RARG: variants seen among roughly 807,000 people sequenced by gnomAD.
The protein encoded by RARG is retinoic acid receptor gamma.
RARG carries 17 observed loss-of-function variants against 43.7 expected under a neutral mutation model. The observed-to-expected ratio is 0.39, with a 90% confidence interval of 0.27 to 0.58. RARG has a LOEUF of 0.58. Ranked by LOEUF, RARG falls within the 20% of genes least tolerant of loss-of-function variation. The pLI is 0.57. For synonymous variants in RARG, 238 were observed against 236.4 expected, an observed-to-expected ratio of 1.01 and a Z score of -0.06; for missense variants, 346 against 598.7, an observed-to-expected ratio of 0.58 and a Z score of 4.40.
chr12:53,214,875 A>G (rs11170477), intron 5 of RARG: 23 of 393,170 alleles, frequency 5.8e-5, no homozygotes, highest in East Asian at 5.8e-4. Flanking sequence ...GAGCTGGGGG[A>G]GGGGGGGCAG....
intron 3 of RARG, among the ~76,000 whole-genome samples, chr12:53,216,811 C>T (rs1942773315): frequency 6.8e-6 from 1 of 147,610 alleles, no homozygotes; most frequent in Admixed American, 6.7e-5. Flanking sequence ...GTTCAAAAGG[C>T]TGCTGGGTAA....
intron 3 of RARG, among the ~76,000 whole-genome samples, chr12:53,223,117 C>T (rs1943017268): frequency 6.6e-6 from 1 of 152,190 alleles, no homozygotes; most frequent in South Asian, 2.1e-4. Flanking sequence ...TTGGCCAGGA[C>T]GAGGCAGGGC....
intron 2 of RARG, among the ~76,000 whole-genome samples, chr12:53,228,897 C>T (rs959138878): frequency 1.3e-5 from 2 of 152,134 alleles, no homozygotes; most frequent in African/African-American, 4.8e-5. Flanking sequence ...TCTTTCTTAT[C>T]CCTGGGCTCC....
rs1480955426 is a variant in RARG, at chr12:53,215,027, T to G, written c.475+266A>C. On this transcript the variant is annotated intron_variant, in intron 5 of 9. Transcript: ENST00000425354. This position sits in a 1 kb window ranked among gnomAD's most constrained non-coding sequence, Gnocchi z 6.4. ...GGGACTGGCAAGCCCACTGGCTTCA[T>G]TTCCCCCATGAAACAGGGGGAATGT... 1.3e-5 allele frequency among the ~76,000 whole-genome samples: 2 copies of G among 152,144 alleles called. No individual in the cohort carries two copies. Among genetic ancestry groups the G allele is most frequent in the Non-Finnish European group, 2.9e-5 (2 of 68,010 alleles).
rs1401775060 is a variant in RARG, at chr12:53,214,539, C to T, written c.543G>A (p.Glu181=). The T allele has an allele frequency of 1.2e-6, 2 of 1,612,920 alleles. No individual in the cohort carries two copies. The highest frequency in any genetic ancestry group is 1.6e-4 in the Middle Eastern group (1 of 6,082). Residue 181 remains glutamate (E), a synonymous_variant, in exon 6 of 10, where the codon GAG becomes GAA. Coordinates refer to ENST00000425354, the MANE Select transcript of RARG (RefSeq NM_000966.6). ...TGAGCTCTTCTAACTGAGGGCTCAGCTCATAGCTGTCAGGTGACCCTTCTT... is the reference window on the plus strand; with the variant it reads ...TGAGCTCTTCTAACTGAGGGCTCAGTTCATAGCTGTCAGGTGACCCTTCTT... ...VKEEGSPDSY[E]LSPQLEELIT... is the part of the protein sequence containing the mutation.
intron 6 of RARG, 74 bp downstream of exon 6, chr12:53,214,372 C>T: frequency 5.7e-6 from 9 of 1,565,400 alleles, no homozygotes; most frequent in Non-Finnish European, 7.9e-6. Context: ...TCGATGATAG[C>T]CTCCAACACA....
chr12:53,214,356 C>T, intron 6 of RARG, 90 bp downstream of exon 6: 1 of 1,548,682 alleles, frequency 6.5e-7, no homozygotes, highest in South Asian at 1.2e-5. Context: ...TTGTCCTCAG[C>T]ACCAGTCGAT....
In RARG at chr12:53,227,378, C is replaced by A. The variant is rs1426174979; in HGVS notation, c.168G>T (p.Lys56Asn). 4 of 1,587,342 alleles carry A rather than the reference C, an allele frequency of 2.5e-6. No individual in the cohort carries two copies. Among genetic ancestry groups the A allele is most frequent in the Non-Finnish European group, 3.4e-6 (4 of 1,168,010 alleles). Reference sequence around the variant, plus strand: ...GAGACTCACACAGAGAGGCCATCTCCTTGGGGAGGTCAGGCTGGCCCAGGC... The same window carrying A: ...GAGACTCACACAGAGAGGCCATCTCATTGGGGAGGTCAGGCTGGCCCAGGC... ...FRGLGQPDLP[K>N]EMASLSVETQ... is the part of the protein sequence containing the mutation. Residue 56 changes from lysine (K) to asparagine (N), a missense_variant, in exon 3 of 10, where the codon AAG becomes AAT. Around this residue, in one of 8 missense-constraint regions of RARG, gnomAD observed 90 missense variants for 93.2 expected, o/e 0.97. Coordinates refer to ENST00000425354, the MANE Select transcript of RARG (RefSeq NM_000966.6). The surrounding 1 kb of genome is among the most constrained non-coding windows in gnomAD (Gnocchi z 4.3).
At chr12:53,221,791 C>G (rs1942971792) in intron 3 of RARG, among the ~76,000 whole-genome samples, 1 of 151,526 alleles carries the variant, frequency 6.6e-6, no homozygotes. Context: ...CCAGCCGGCT[C>G]TGTCAGCGCC....
chr12:53,226,439 T>C (rs974013334), intron 3 of RARG, among the ~76,000 whole-genome samples: 5 of 152,188 alleles, frequency 3.3e-5, no homozygotes, highest in Non-Finnish European at 7.4e-5. Context: ...GCGATTCTCC[T>C]GCCTCAGCCT....
chr12:53,229,905 C>T, intron 2 of RARG: 5 of 941,056 alleles, frequency 5.3e-6, no homozygotes, highest in Non-Finnish European at 6.3e-6. Context: ...AGCTCCTGAT[C>T]CTCACCAAGG....
chr12:53,212,212 A>G (rs1227999532), intron 9 of RARG, among the ~76,000 whole-genome samples: 1 of 152,222 alleles, frequency 6.6e-6, no homozygotes, highest in African/African-American at 2.4e-5. Flanking sequence ...TGTTCTCTTA[A>G]TAACATTTAT....
At chr12:53,221,907 G>T (rs1344232488) in intron 3 of RARG, among the ~76,000 whole-genome samples, 1 of 151,804 alleles carries the variant, frequency 6.6e-6, no homozygotes, top group Non-Finnish European at 1.5e-5. Context: ...CTAAGAATCT[G>T]TTGTACCGGG....
In RARG at chr12:53,213,301, G is replaced by A; in HGVS notation, c.1019-58C>T. On this transcript the variant is annotated intron_variant, in intron 8 of 9. Coordinates refer to ENST00000425354, the MANE Select transcript of RARG (RefSeq NM_000966.6). The surrounding 1 kb of genome is among the most constrained non-coding windows in gnomAD (Gnocchi z 4.7). ...AAGGAAGAGATGGGGAAGACACAGT[G>A]ACAGATGGCTGATCACCAACCGGCG... The A allele has an allele frequency of 6.6e-7, 1 of 1,506,650 alleles. No individual in the cohort carries two copies. Among genetic ancestry groups the A allele is most frequent in the Non-Finnish European group, 9.2e-7 (1 of 1,091,902 alleles). 93.3% of individuals were successfully genotyped at this position (1,506,650 alleles called of 1,614,324 possible). A position where few individuals can be genotyped will look rare whatever the true frequency, so the allele number is the denominator to read the frequency against.
intron 3 of RARG, chr12:53,220,248 G>C (rs1353697052): frequency 6.8e-7 from 1 of 1,480,174 alleles, no homozygotes; most frequent in South Asian, 1.3e-5. Context: ...GTAAGGGGTG[G>C]GCGGGGAAGA....
At position 53,211,493 on chromosome 12, in the gene RARG, G is replaced by A. The variant is rs903289047; in HGVS notation, c.*183C>T. On this transcript the variant is annotated 3_prime_UTR_variant, in exon 10 of 10. Transcript: ENST00000425354. The surrounding 1 kb of genome is among the most constrained non-coding windows in gnomAD (Gnocchi z 4.6). ...GGCCCCCGGGACTGGCGAGGGAGCC[G>A]GTTAGATCAGGAAGGGGATGAACAC... 8.9e-5 allele frequency: 46 copies of A among 517,054 alleles called. No individual in the cohort carries two copies. The highest frequency in any genetic ancestry group is 1.7e-4 in the Admixed American group (4 of 23,584). 32.0% of individuals were successfully genotyped at this position (517,054 alleles called of 1,614,324 possible).
intron 5 of RARG, 179 bp from the exon 6 acceptor site, chr12:53,214,785 C>G (rs1395368958): frequency 3.0e-6 from 2 of 666,918 alleles, no homozygotes; most frequent in Non-Finnish European, 4.8e-6. Flanking sequence ...CTGGTTCTCC[C>G]CAGCCCCACC....
In RARG at chr12:53,227,869, ACT is replaced by A. The variant is rs1166299279; in HGVS notation, c.-142-184_-142-183del. On this transcript the variant is annotated intron_variant, in intron 2 of 9. Coordinates refer to ENST00000425354, the MANE Select transcript of RARG (RefSeq NM_000966.6). This position sits in a 1 kb window ranked among gnomAD's most constrained non-coding sequence, Gnocchi z 4.3. ...CAGGGGGTTATGCAGGCTCTGAGAA[ACT>A]CTCCAGAGGAGCTCCAGGAAAGGTT... Among the ~76,000 whole-genome samples the A allele has an allele frequency of 1.3e-5, 2 of 151,906 alleles. No individual in the cohort carries two copies. The highest frequency in any genetic ancestry group is 2.9e-5 in the Non-Finnish European group (2 of 67,990).
At position 53,230,153 on chromosome 12, in the gene RARG, G is replaced by A. The variant is rs967731569; in HGVS notation, c.-143+1016C>T. Reference sequence around the variant, plus strand: ...AAGGAAGTCCTAAACTGAGGCCCCAGGTGCCTTGGTTCTTTGGGGGACTCA... The same window carrying A: ...AAGGAAGTCCTAAACTGAGGCCCCAAGTGCCTTGGTTCTTTGGGGGACTCA... On this transcript the variant is annotated intron_variant, in intron 2 of 9. Coordinates refer to ENST00000425354, the MANE Select transcript of RARG (RefSeq NM_000966.6). 9 of 187,218 alleles carry A rather than the reference G, an allele frequency of 4.8e-5. 1 individual carries two copies. The South Asian group carries it at 1.1e-3, about 23-fold the overall frequency. The allele number at this position is 187,218 out of a possible 1,614,324, so 11.6% of individuals were successfully genotyped here.
Sources: allele counts gnomAD v4.1 joint callset (sites outside exome capture counted in the v4.1 genomes callset), GRCh38; gene constraint gnomAD v4.1.1; regional missense constraint gnomAD v4.1.1; non-coding constraint Gnocchi (gnomAD v3.1); transcripts MANE v1.5; gene names NCBI Gene and HGNC (gene_info 2026-07-23, HGNC 2026-07-21).